The following ATG2A variants were observed in gnomAD, a reference collection of about 807,000 sequenced individuals.
ATG2A encodes the protein autophagy-related protein 2 homolog A.
A neutral mutation model predicts 214.2 loss-of-function variants in ATG2A; 103 were observed. That is an observed-to-expected ratio of 0.48 (90% confidence interval 0.41 to 0.57). ATG2A has a LOEUF of 0.57. ATG2A is among the 20% of genes least tolerant of loss of function. ATG2A has a pLI of 0.00. For missense variants in ATG2A, 2,312 were observed against 2,613.2 expected, an observed-to-expected ratio of 0.88 and a Z score of 2.51; for synonymous variants, 1,160 against 1,142.1, an observed-to-expected ratio of 1.02 and a Z score of -0.32.
In ATG2A at chr11:64,913,405, G is replaced by C. The variant is rs760780572; in HGVS notation, c.591-4C>G. On this transcript the variant is annotated splice_polypyrimidine_tract_variant and splice_region_variant and intron_variant, in intron 4 of 40. Transcript: ENST00000377264. The surrounding 1 kb of genome is among the most constrained non-coding windows in gnomAD (Gnocchi z 4.3). Reference sequence around the variant, plus strand: ...TGCCTCATCACAGTACTCCAGTCTGGAGAGTGTAGGGTCAGCCCGTGCCCT... The same window carrying C: ...TGCCTCATCACAGTACTCCAGTCTGCAGAGTGTAGGGTCAGCCCGTGCCCT... 1 of 1,582,416 alleles carries C rather than the reference G, an allele frequency of 6.3e-7. No homozygotes were observed. Among genetic ancestry groups the C allele is most frequent in the Non-Finnish European group, 8.6e-7 (1 of 1,164,696 alleles).
In ATG2A at chr11:64,902,282, T is replaced by C; in HGVS notation, c.3882A>G (p.Leu1294=). ...ADALLDTERS[L]RELAQPSGGH... is the part of the protein sequence containing the mutation. The stretch of plus-strand genomic sequence containing the variant: ...CACCTGAAGGCTGGGCCAGCTCCCG[T>C]AGGCTGCGCTCGGTGTCCAGGAGGG... The change falls in exon 28 of 41, where the codon CTA becomes CTG. Residue 1294 remains leucine (L), a synonymous_variant. Coordinates refer to ENST00000377264, the MANE Select transcript of ATG2A (RefSeq NM_015104.3). 6.2e-7 allele frequency: 1 copy of C among 1,612,856 alleles called. No homozygotes were observed. Among genetic ancestry groups the C allele is most frequent in the East Asian group, 2.2e-5 (1 of 44,882 alleles).
At position 64,900,609 on chromosome 11, in the gene ATG2A, C is replaced by T. The variant is rs1265834093; in HGVS notation, c.4349G>A (p.Gly1450Asp). The change falls in exon 31 of 41, where the codon GGT (glycine) becomes GAT (aspartate). Residue 1450 changes from glycine (G) to aspartate (D), a missense_variant. Physicochemically the swap from Gly to Asp is moderately conservative, Grantham distance 94 (BLOSUM62 -1). Transcript: ENST00000377264. The part of the protein sequence containing the change: ...PGHRARTGLS[G>D]PRSSPSRCSG... The stretch of plus-strand genomic sequence containing the variant: ...GCAGCGGGAAGGGGAGCTCCTGGGA[C>T]CTGAGAGGCCAGTTCTTGCCCTGGG... The T allele has an allele frequency of 5.0e-6, 8 of 1,610,068 alleles. No homozygotes were observed. Among genetic ancestry groups the T allele is most frequent in the Non-Finnish European group, 6.8e-6 (8 of 1,178,156 alleles).
At chr11:64,909,519 G>A (rs1944682229) in intron 14 of ATG2A, 152 bp from the exon 15 acceptor site, 15 of 1,418,324 alleles carry the variant, frequency 1.1e-5, no homozygotes, top group Admixed American at 3.8e-5. Context: ...CCTACTTGTC[G>A]GTGAGGAGGC....
chr11:64,915,863 T>C (rs1183498630), intron 1 of ATG2A, among the ~76,000 whole-genome samples: 1 of 152,044 alleles, frequency 6.6e-6, no homozygotes, highest in African/African-American at 2.4e-5. Flanking sequence ...AGGCTAAGGT[T>C]AGAGGTCAGA....
Position 64,898,591 on chromosome 11 carries a change from G to C in ATG2A, c.4671+45C>G. On this transcript the variant is annotated intron_variant, in intron 32 of 40. Coordinates refer to ENST00000377264, the MANE Select transcript of ATG2A (RefSeq NM_015104.3). This position sits in a 1 kb window ranked among gnomAD's most constrained non-coding sequence, Gnocchi z 4.5. ...GCATGCGTGAAGATGTATCCCCAAC[G>C]GTCTGGTGCCCTGCCCCAGGGTGGA... 1 of 1,592,128 alleles carries C rather than the reference G, an allele frequency of 6.3e-7. No homozygotes were observed. The highest frequency in any genetic ancestry group is 8.6e-7 in the Non-Finnish European group (1 of 1,160,992).
rs761921027 is a variant in ATG2A, at chr11:64,894,994, G to A, written c.5796C>T (p.Arg1932=). The A allele has an allele frequency of 1.8e-5, 29 of 1,612,346 alleles. No individual in the cohort carries two copies. Among genetic ancestry groups the A allele is most frequent in the Admixed American group, 1.7e-5 (1 of 59,962 alleles). The change falls in exon 41 of 41, where the codon CGC becomes CGT. Residue 1932 remains arginine (R), a synonymous_variant. Coordinates refer to ENST00000377264, the MANE Select transcript of ATG2A (RefSeq NM_015104.3). ...AGGCTCAGTCTTGGGCACTGTCCGA[G>A]CGCCACTTGAGGGCGTGGTCCTTGT... ...DAHKDHALKW[R]SDSAQD
At chr11:64,904,990 G>C (rs1944491793) in intron 24 of ATG2A, among the ~76,000 whole-genome samples, 1 of 152,116 alleles carries the variant, frequency 6.6e-6, no homozygotes, top group African/African-American at 2.4e-5. Flanking sequence ...CAAGTAGCTG[G>C]GACTACAGGC....
Position 64,911,163 on chromosome 11 carries a change from T to C in ATG2A, c.1341A>G (p.Gly447=). ...AAAAGTGCGTGGCGAGGTCAGGTGG[T>C]CCGGAAGATGGGGCAGACGTCTGAA... ...TLLQTSAPSS[G]PPDLATHFFT... is the part of the protein sequence containing the mutation. The change falls in exon 10 of 41, where the codon GGA becomes GGG. Residue 447 remains glycine, a synonymous_variant. Transcript: ENST00000377264. 6.2e-7 allele frequency: 1 copy of C among 1,613,946 alleles called. No homozygotes were observed. The highest frequency in any genetic ancestry group is 8.5e-7 in the Non-Finnish European group (1 of 1,179,976).
chr11:64,896,320 CGTGGCT>C, intron 39 of ATG2A, 136 bp downstream of exon 39: 1 of 1,272,454 alleles, frequency 7.9e-7, no homozygotes, highest in Non-Finnish European at 1.1e-6. Flanking sequence ...TTAGCCTCTC[CGTGGCT>C]GTTTCTCTAT....
rs140427593 is a variant in ATG2A, at chr11:64,911,226, C to T, written c.1278G>A (p.Leu426=). 221 of 1,614,090 alleles carry T rather than the reference C, an allele frequency of 1.4e-4. No individual in the cohort carries two copies. The African/African-American group carries it at 2.7e-3, about 20-fold the overall frequency. Residue 426 remains leucine, a synonymous_variant, in exon 10 of 41, where the codon CTG becomes CTA. Coordinates refer to ENST00000377264, the MANE Select transcript of ATG2A (RefSeq NM_015104.3). ...TCACACCCCCCAAGGTCATCTTCAG[C>T]AGCGAGTCAGGGCGCATGGTGTCCA... The part of the protein sequence containing the change: ...PLLDTMRPDS[L]LKMTLGGVTL...
In ATG2A at chr11:64,909,851, C is replaced by T. The variant is rs144975213; in HGVS notation, c.1937G>A (p.Arg646His). ...LSAPRATLRLRFPIADLRPEP... is the reference protein window; with the variant it reads ...LSAPRATLRLHFPIADLRPEP... The stretch of plus-strand genomic sequence containing the variant: ...AGGCCGCAGGTCGGCAATGGGGAAG[C>T]GCAGCCGCAGCGTGGCCCGGGGTGC... The change falls in exon 14 of 41, where the codon CGC becomes CAC. Residue 646 changes from arginine to histidine, a missense_variant. Physicochemically the swap from Arg to His is conservative, Grantham distance 29. Coordinates refer to ENST00000377264, the MANE Select transcript of ATG2A (RefSeq NM_015104.3). 439 of 1,609,646 alleles carry T rather than the reference C, an allele frequency of 2.7e-4. 1 individual carries two copies. The African/African-American group carries it at 5.0e-3, about 18-fold the overall frequency.
At position 64,896,823 on chromosome 11, in the gene ATG2A, G is replaced by C; in HGVS notation, c.5197C>G (p.Leu1733Val). 6.2e-7 allele frequency: 1 copy of C among 1,614,206 alleles called. No homozygotes were observed. The highest frequency in any genetic ancestry group is 8.5e-7 in the Non-Finnish European group (1 of 1,180,042). ...KVLGYALNEW[L>V]QDIRKNQLPG... ...AGCTGGTTCTTGCGGATGTCCTGCA[G>C]CCACTCGTTGAGGGCATAGCCCAGC... Residue 1733 changes from leucine (L) to valine (V), a missense_variant, in exon 38 of 41, where the codon CTG becomes GTG. Coordinates refer to ENST00000377264, the MANE Select transcript of ATG2A (RefSeq NM_015104.3).
In ATG2A at chr11:64,902,100, T is replaced by C. The variant is rs1313521228; in HGVS notation, c.3981A>G (p.Ser1327=). The change falls in exon 29 of 41, where the codon TCA becomes TCG. Residue 1327 remains serine, a synonymous_variant. Transcript: ENST00000377264. The part of the protein sequence containing the change: ...PGERSGAPPP[S]PPVGGPAGSL... ...TGCCAGCAGGGCCCCCGACAGGTGG[T>C]GAAGGGGGTGGGGCCCCACTCCGTT... is the stretch of plus-strand genomic sequence containing the variant. The C allele has an allele frequency of 3.1e-6, 5 of 1,613,554 alleles. No homozygotes were observed. The highest frequency in any genetic ancestry group is 4.2e-6 in the Non-Finnish European group (5 of 1,179,960).
rs146530015 is a variant in ATG2A, at chr11:64,895,427, C to A, written c.5443G>T (p.Val1815Leu). ...VQAIQATAET[V>L]YDILSPAAPV... ...GCTGCCGGGGACAGGATGTCATACA[C>A]GGTCTCAGCTGTGGCCTGGGGGACA... is the stretch of plus-strand genomic sequence containing the variant. Residue 1815 changes from valine to leucine, a missense_variant, in exon 40 of 41, where the codon GTG becomes TTG. Physicochemically the swap from Val to Leu is conservative, Grantham distance 32. Coordinates refer to ENST00000377264, the MANE Select transcript of ATG2A (RefSeq NM_015104.3). The surrounding 1 kb of genome is among the most constrained non-coding windows in gnomAD (Gnocchi z 5.0). 1.9e-5 allele frequency: 31 copies of A among 1,593,540 alleles called. No individual in the cohort carries two copies. Among genetic ancestry groups the A allele is most frequent in the Non-Finnish European group, 2.5e-5 (29 of 1,169,132 alleles).
At position 64,907,280 on chromosome 11, in the gene ATG2A, C is replaced by T. The variant is rs61741416; in HGVS notation, c.2807G>A (p.Arg936Gln). Residue 936 changes from arginine (R) to glutamine (Q), a missense_variant, in exon 19 of 41, where the codon CGG (arginine) becomes CAG (glutamine). Transcript: ENST00000377264. The stretch of plus-strand genomic sequence containing the variant: ...CTTGGTCTCACAGAGGGCTGTGATC[C>T]GCCCCTTCAGCACTGTCACCAGTGT... ...FSTLVTVLKG[R>Q]ITALCETKDE... 104 of 1,528,714 alleles carry T rather than the reference C, an allele frequency of 6.8e-5. No individual in the cohort carries two copies. The highest frequency in any genetic ancestry group is 8.5e-5 in the Non-Finnish European group (97 of 1,135,482). 94.7% of individuals were successfully genotyped at this position (1,528,714 alleles called of 1,614,324 possible). A position where few individuals can be genotyped will look rare whatever the true frequency, so the allele number is the denominator to read the frequency against.
Position 64,913,741 on chromosome 11 carries a change from C to A in ATG2A, c.590+80G>T. ...ATCCACCCTGCCTCTTCCCAGGAAC[C>A]TAGGCTGCGGGTGGGGACCATCCAG... is the stretch of plus-strand genomic sequence containing the variant. On this transcript the variant is annotated intron_variant, in intron 4 of 40. Transcript: ENST00000377264. This position sits in a 1 kb window ranked among gnomAD's most constrained non-coding sequence, Gnocchi z 4.3. 7.1e-7 allele frequency: 1 copy of A among 1,417,566 alleles called. No individual in the cohort carries two copies. The highest frequency in any genetic ancestry group is 9.8e-7 in the Non-Finnish European group (1 of 1,017,548). 87.8% of individuals were successfully genotyped at this position (1,417,566 alleles called of 1,614,324 possible).
intron 12 of ATG2A, 106 bp downstream of exon 12, chr11:64,910,510 C>T: frequency 4.5e-6 from 6 of 1,318,882 alleles, no homozygotes; most frequent in African/African-American, 1.5e-5. Flanking sequence ...ATGTGGAGCA[C>T]AGGGGAAGAG....
chr11:64,903,710 G>C lies in ATG2A; in HGVS notation c.3465-50C>G. 2 of 1,520,056 alleles carry C rather than the reference G, an allele frequency of 1.3e-6. No homozygotes were observed. The highest frequency in any genetic ancestry group is 1.4e-5 in the African/African-American group (1 of 72,510). 94.2% of individuals were successfully genotyped at this position (1,520,056 alleles called of 1,614,324 possible). On this transcript the variant is annotated intron_variant, in intron 24 of 40. Coordinates refer to ENST00000377264, the MANE Select transcript of ATG2A (RefSeq NM_015104.3). This position sits in a 1 kb window ranked among gnomAD's most constrained non-coding sequence, Gnocchi z 4.2. Reference sequence around the variant, plus strand: ...GGCCCGGGCACCGCTGCAGGGGGCAGCTCCACGGGAGCCGAGCAGAGGGGT... The same window carrying C: ...GGCCCGGGCACCGCTGCAGGGGGCACCTCCACGGGAGCCGAGCAGAGGGGT...
rs1454593841 is a variant in ATG2A, at chr11:64,913,416, G to C, written c.591-15C>G. 1.9e-6 allele frequency: 3 copies of C among 1,561,688 alleles called. No homozygotes were observed. The highest frequency in any genetic ancestry group is 1.2e-5 in the South Asian group (1 of 84,868). On this transcript the variant is annotated splice_polypyrimidine_tract_variant and intron_variant, in intron 4 of 40. Transcript: ENST00000377264. This position sits in a 1 kb window ranked among gnomAD's most constrained non-coding sequence, Gnocchi z 4.3. ...AGTACTCCAGTCTGGAGAGTGTAGG[G>C]TCAGCCCGTGCCCTGGCCACCCCAG...
Sources: allele counts gnomAD v4.1 joint callset (sites outside exome capture counted in the v4.1 genomes callset), GRCh38; gene constraint gnomAD v4.1.1; non-coding constraint Gnocchi (gnomAD v3.1); transcripts MANE v1.5; gene names NCBI Gene and HGNC (gene_info 2026-07-23, HGNC 2026-07-21).